Variants in MAGI2 observed in about 807,000 individuals in gnomAD.
MAGI2 encodes the protein membrane-associated guanylate kinase, WW and PDZ domain-containing protein 2.
MAGI2 carries 35 observed loss-of-function variants against 133.3 expected under a neutral mutation model. The observed-to-expected ratio is 0.26, with a 90% CI of 0.20 to 0.35. The LOEUF (loss-of-function observed/expected upper bound fraction) is 0.35. Among genes scored for constraint, MAGI2 ranks in the 10% least tolerant of loss-of-function variants. The pLI is 1.00. For synonymous variants in MAGI2, 729 were observed against 710.6 expected (o/e 1.03, Z -0.41); for missense variants, 1,636 against 1,863.4 (o/e 0.88, Z 2.25).
chr7:78,732,831 G>A (rs1418289742), intron 2 of MAGI2, among the ~76,000 whole-genome samples: 1 of 152,002 alleles, frequency 6.6e-6, no homozygotes, highest in Non-Finnish European at 1.5e-5. Flanking sequence ...GTTTTTTAGG[G>A]TGTAAAGTAA....
chr7:79,364,619 G>A (rs1237961826), intron 1 of MAGI2, among the ~76,000 whole-genome samples: 1 of 151,946 alleles, frequency 6.6e-6, no homozygotes, highest in African/African-American at 2.4e-5. Flanking sequence ...ACAGAATAAA[G>A]AATCCTATAT....
chr7:78,627,533 G>A (rs915213289), intron 2 of MAGI2, among the ~76,000 whole-genome samples: 1 of 152,172 alleles, frequency 6.6e-6, no homozygotes, highest in African/African-American at 2.4e-5. Flanking sequence ...TTTTGAAGAG[G>A]TGGTTTGGAT....
At chr7:78,547,591 C>T (rs80238994) in intron 3 of MAGI2, among the ~76,000 whole-genome samples, 7,355 of 152,318 alleles carry the variant, frequency 0.048, 235 homozygotes, top group Non-Finnish European at 0.073. Context: ...GCCTATCCCA[C>T]AAGCTCAGGG....
chr7:78,756,547 A>C (rs1368782451), intron 2 of MAGI2, among the ~76,000 whole-genome samples: 4 of 152,144 alleles, frequency 2.6e-5, no homozygotes, highest in Non-Finnish European at 4.4e-5. Flanking sequence ...CAATACACGC[A>C]TTTGGCAGCT....
At chr7:78,536,592 G>A (rs1716718748) in intron 3 of MAGI2, among the ~76,000 whole-genome samples, 3 of 152,112 alleles carry the variant, frequency 2.0e-5, no homozygotes. Context: ...TGGTTAGGAA[G>A]GAACTAATAT....
intron 2 of MAGI2, among the ~76,000 whole-genome samples, chr7:78,628,588 T>C (rs1359105250): frequency 6.6e-6 from 1 of 151,920 alleles, no homozygotes; most frequent in Non-Finnish European, 1.5e-5. Flanking sequence ...AAACATTTTT[T>C]AAGATTTGAA....
chr7:78,937,728 G>A (rs376638351), intron 2 of MAGI2, among the ~76,000 whole-genome samples: 359 of 152,216 alleles, frequency 2.4e-3, no homozygotes, highest in African/African-American at 8.0e-3. Flanking sequence ...TCTCTGGATC[G>A]AAACTACCTG....
intron 2 of MAGI2, among the ~76,000 whole-genome samples, chr7:78,818,452 A>T (rs1248908840): frequency 6.6e-6 from 1 of 152,186 alleles, no homozygotes; most frequent in Admixed American, 6.5e-5. Flanking sequence ...AATAATTTCT[A>T]CTTATGCTAT....
chr7:79,215,540 T>C (rs765090164), intron 1 of MAGI2, among the ~76,000 whole-genome samples: 12 of 152,028 alleles, frequency 7.9e-5, no homozygotes, highest in Non-Finnish European at 1.8e-4. Context: ...CAGACATTAC[T>C]TTCTATTGAT....
At chr7:78,247,012 A>T (rs1400872714) in intron 10 of MAGI2, among the ~76,000 whole-genome samples, 1 of 152,190 alleles carries the variant, frequency 6.6e-6, no homozygotes, top group Non-Finnish European at 1.5e-5. Flanking sequence ...TTGTTACAAT[A>T]GGTTGGCAAG....
chr7:78,429,198 A>G (rs1799557214), intron 6 of MAGI2, among the ~76,000 whole-genome samples: 1 of 152,166 alleles, frequency 6.6e-6, no homozygotes, highest in South Asian at 2.1e-4. Flanking sequence ...AACTGTTTAT[A>G]TTAATAAATC....
chr7:79,176,778 T>C (rs1318648458), intron 1 of MAGI2, among the ~76,000 whole-genome samples: 3 of 152,088 alleles, frequency 2.0e-5, no homozygotes, highest in African/African-American at 7.2e-5. Flanking sequence ...AGTAAAATAA[T>C]TTTTTAAAAA....
chr7:79,361,787 C>T (rs1330494249), intron 1 of MAGI2, among the ~76,000 whole-genome samples: 1 of 151,878 alleles, frequency 6.6e-6, no homozygotes, highest in East Asian at 1.9e-4. Flanking sequence ...AACAGAAGAA[C>T]AAAGGAAAAT....
Position 78,521,445 on chromosome 7 carries a change from C to T in MAGI2, c.739G>A (p.Val247Ile), listed in dbSNP as rs754020960. The part of the protein sequence containing the change: ...EERPVVNGNG[V>I]VVTPESSEHE... ...AATGACTAACCTGGTGTTACTACTA[C>T]TCCATTTCCATTGACCACAGGCCTC... The change falls in exon 4 of 22, where the codon GTA becomes ATA. Residue 247 changes from valine (V) to isoleucine (I), a missense_variant. Physicochemically the swap from Val to Ile is conservative, Grantham distance 29. Transcript: ENST00000354212. The T allele has an allele frequency of 6.2e-7, 1 of 1,613,752 alleles. No homozygotes were observed. The highest frequency in any genetic ancestry group is 2.2e-5 in the East Asian group (1 of 44,878).
chr7:78,537,170 T>TACACACACACAC (rs3086437), intron 3 of MAGI2, among the ~76,000 whole-genome samples: 19 of 146,300 alleles, frequency 1.3e-4, no homozygotes, highest in South Asian at 2.2e-4. Context: ...AGTATTCCAC[T>TACACACACACAC]ACACACACAC....
Position 78,789,290 on chromosome 7 carries a change from G to T in MAGI2, c.419-162051C>A, listed in dbSNP as rs181976626. Among the ~76,000 whole-genome samples, 158 of 152,102 alleles carry T rather than the reference G, an allele frequency of 1.0e-3. 1 individual carries two copies. Among genetic ancestry groups the T allele is most frequent in the African/African-American group, 3.6e-3 (148 of 41,474 alleles). ...CAAACATATATTTGATTAATCCTTT[G>T]CTCATCTTAGGGAAACAAGAAATCT... On this transcript the variant is annotated intron_variant, in intron 2 of 21. Transcript: ENST00000354212.
chr7:78,752,646 A>G (rs551324541), intron 2 of MAGI2, among the ~76,000 whole-genome samples: 1 of 152,318 alleles, frequency 6.6e-6, no homozygotes, highest in East Asian at 1.9e-4. Context: ...ACCCTGTCTA[A>G]CAAATGTATT....
intron 2 of MAGI2, among the ~76,000 whole-genome samples, chr7:78,730,745 A>C (rs1370551887): frequency 6.6e-6 from 1 of 152,142 alleles, no homozygotes; most frequent in African/African-American, 2.4e-5. Context: ...CTCCGCTGGG[A>C]AACACAGACA....
intron 1 of MAGI2, among the ~76,000 whole-genome samples, chr7:79,363,613 A>G: frequency 6.6e-6 from 1 of 151,512 alleles, no homozygotes; most frequent in East Asian, 2.0e-4. Flanking sequence ...GCTAGAAGGA[A>G]ACAGGGGAAG....
Sources: allele counts gnomAD v4.1 joint callset (sites outside exome capture counted in the v4.1 genomes callset), GRCh38; gene constraint gnomAD v4.1.1; transcripts MANE v1.5; gene names NCBI Gene and HGNC (gene_info 2026-07-23, HGNC 2026-07-21).